The following IRS1 variants were observed in gnomAD, a reference collection of about 807,000 sequenced individuals.
IRS1 encodes insulin receptor substrate 1.
A neutral mutation model predicts 65.6 loss-of-function variants in IRS1; 34 were observed. The observed-to-expected ratio is 0.52, with a 90% CI of 0.39 to 0.69. The LOEUF (loss-of-function observed/expected upper bound fraction) is 0.69, where lower values mean the gene tolerates loss of function less well. Ranked by LOEUF, IRS1 falls within the 30% of genes least tolerant of loss-of-function variation. The probability of loss-of-function intolerance (pLI) is 0.00; values close to 1 mark genes in which losing one functional copy is unlikely to be tolerated. For synonymous variants in IRS1, 699 were observed against 683.5 expected, an observed-to-expected ratio of 1.02 and a Z score of -0.35; for missense variants, 1,641 against 1,720.2, an observed-to-expected ratio of 0.95 and a Z score of 0.81.
rs1938240312 is a variant in IRS1, at chr2:226,732,484, A to ATATATATATG, written c.*3787_*3788insCATATATATA. 6.7e-6 allele frequency: 1 copy of ATATATATATG among 148,716 alleles called. No homozygotes were observed. Among genetic ancestry groups the ATATATATATG allele is most frequent in the African/African-American group, 2.5e-5 (1 of 40,560 alleles). 9.2% of individuals were successfully genotyped at this position (148,716 alleles called of 1,614,324 possible). A position where few individuals can be genotyped will look rare whatever the true frequency, so the allele number is the denominator to read the frequency against. On this transcript the variant is annotated 3_prime_UTR_variant, in exon 2 of 2. Coordinates refer to ENST00000305123, the MANE Select transcript of IRS1 (RefSeq NM_005544.3). ...CCTATACATCTATATATATATATAT[A>ATATATATATG]TATATATACACACACACACATATGT...
chr2:226,778,371 C>A (rs1474355027), intron 1 of IRS1, among the ~76,000 whole-genome samples: 1 of 152,066 alleles, frequency 6.6e-6, no homozygotes, highest in African/African-American at 2.4e-5. Flanking sequence ...CTAGAAAAAG[C>A]AACCTTAAAA....
chr2:226,755,294 A>G (rs1938774272), intron 1 of IRS1, among the ~76,000 whole-genome samples: 1 of 152,252 alleles, frequency 6.6e-6, no homozygotes, highest in South Asian at 2.1e-4. Flanking sequence ...CTCGCCTCCC[A>G]GTGTTTACAT....
At chr2:226,780,228 T>G (rs1939355774) in intron 1 of IRS1, among the ~76,000 whole-genome samples, 1 of 151,992 alleles carries the variant, frequency 6.6e-6, no homozygotes, top group Non-Finnish European at 1.5e-5. Flanking sequence ...CCATCTCTAC[T>G]AAAAATACAA....
chr2:226,795,784 G>C lies in IRS1; in HGVS notation c.2955C>G (p.Ser985Arg), dbSNP rs371239608. 6.2e-7 allele frequency: 1 copy of C among 1,613,176 alleles called. No individual in the cohort carries two copies. The highest frequency in any genetic ancestry group is 8.5e-7 in the Non-Finnish European group (1 of 1,179,970). ...ICRPTRAVPSSRGDYMTMQMS... is the reference protein window; with the variant it reads ...ICRPTRAVPSRRGDYMTMQMS... ...TCTGCATGGTCATGTAGTCACCCCG[G>C]CTGCTGGGCACTGCCCGGGTAGGCC... is the stretch of plus-strand genomic sequence containing the variant. The change falls in exon 1 of 2, where the codon AGC (serine) becomes AGG (arginine). Residue 985 changes from serine (S) to arginine (R), a missense_variant. Ser to Arg is a moderately radical substitution (Grantham distance 110). Around this residue, in one of 3 missense-constraint regions of IRS1, gnomAD observed 1,324 missense variants for 1,361.0 expected, o/e 0.97. Coordinates refer to ENST00000305123, the MANE Select transcript of IRS1 (RefSeq NM_005544.3).
chr2:226,785,621 A>G (rs1400147701), intron 1 of IRS1, among the ~76,000 whole-genome samples: 1 of 152,194 alleles, frequency 6.6e-6, no homozygotes, highest in Non-Finnish European at 1.5e-5. Flanking sequence ...AACAAAAATA[A>G]ACAAATAAAT....
Position 226,797,825 on chromosome 2 carries a change from G to A in IRS1, c.914C>T (p.Thr305Ile). 1 of 1,606,548 alleles carries A rather than the reference G, an allele frequency of 6.2e-7. No homozygotes were observed. The highest frequency in any genetic ancestry group is 8.5e-7 in the Non-Finnish European group (1 of 1,177,608). ...CGGGGAGGTGGCGGTGATGCTCTCA[G>A]TGCGTGATCGGCGGGTCAGCCCCAC... ...SQVGLTRRSR[T>I]ESITATSPAS... The change falls in exon 1 of 2, where the codon ACT (threonine) becomes ATT (isoleucine). Residue 305 changes from threonine (T) to isoleucine (I), a missense_variant. Around this residue, in one of 3 missense-constraint regions of IRS1, gnomAD observed 1,324 missense variants for 1,361.0 expected, o/e 0.97. Transcript: ENST00000305123. The surrounding 1 kb of genome is among the most constrained non-coding windows in gnomAD (Gnocchi z 8.1).
chr2:226,774,179 A>G (rs1437186858), intron 1 of IRS1, among the ~76,000 whole-genome samples: 1 of 152,228 alleles, frequency 6.6e-6, no homozygotes, highest in Non-Finnish European at 1.5e-5. Context: ...TTATAGTAAG[A>G]AAGAATAAAA....
Position 226,757,036 on chromosome 2 carries a change from A to G in IRS1, c.*22-20786T>C, listed in dbSNP as rs756573089. 2.2e-4 allele frequency among the ~76,000 whole-genome samples: 33 copies of G among 152,312 alleles called. No homozygotes were observed. The East Asian group carries it at 3.1e-3, about 14-fold the overall frequency. On this transcript the variant is annotated intron_variant, in intron 1 of 1. Transcript: ENST00000305123. The stretch of plus-strand genomic sequence containing the variant: ...ATGGCTGCTTTCCCTAACAGGCTGT[A>G]TGTAGCCAAAGAGAGGCCTAACTGC...
intron 1 of IRS1, among the ~76,000 whole-genome samples, chr2:226,748,711 G>A (rs1310051728): frequency 6.6e-6 from 1 of 152,068 alleles, no homozygotes; most frequent in African/African-American, 2.4e-5. Flanking sequence ...CATAGTTGCT[G>A]TTTCTGTGTT....
chr2:226,749,422 T>G (rs887821124), intron 1 of IRS1, among the ~76,000 whole-genome samples: 2 of 152,212 alleles, frequency 1.3e-5, no homozygotes, highest in African/African-American at 4.8e-5. Context: ...TCTTCTGGGA[T>G]TCTCTTTGTG....
At chr2:226,788,423 T>C (rs766489084) in intron 1 of IRS1, among the ~76,000 whole-genome samples, 8 of 152,166 alleles carry the variant, frequency 5.3e-5, no homozygotes, top group Non-Finnish European at 1.2e-4. Context: ...TACATCTTTT[T>C]CAAAGCTCTA....
intron 1 of IRS1, among the ~76,000 whole-genome samples, chr2:226,743,927 T>G (rs984652040): frequency 6.6e-6 from 1 of 152,250 alleles, no homozygotes; most frequent in African/African-American, 2.4e-5. Flanking sequence ...TCACTGCCTT[T>G]GCTTTTTTTG....
chr2:226,740,332 T>G (rs1456269022), intron 1 of IRS1, among the ~76,000 whole-genome samples: 1 of 152,212 alleles, frequency 6.6e-6, no homozygotes, highest in East Asian at 1.9e-4. Context: ...CTGTTGCCAG[T>G]AATGAAAAAT....
intron 1 of IRS1, among the ~76,000 whole-genome samples, chr2:226,752,862 CG>C (rs1938711283): frequency 6.6e-6 from 1 of 152,186 alleles, no homozygotes; most frequent in African/African-American, 2.4e-5. Flanking sequence ...CGTGGGACCT[CG>C]GGCACTTGAT....
At chr2:226,768,747 C>T (rs1394412960) in intron 1 of IRS1, among the ~76,000 whole-genome samples, 1 of 152,202 alleles carries the variant, frequency 6.6e-6, no homozygotes, top group Non-Finnish European at 1.5e-5. Context: ...AGCAATTCTC[C>T]TGCCTCAGCC....
chr2:226,737,282 T>C (rs565930317), intron 1 of IRS1, among the ~76,000 whole-genome samples: 3 of 152,224 alleles, frequency 2.0e-5, no homozygotes, highest in African/African-American at 7.2e-5. Context: ...TCATCATTTT[T>C]TATGGCTGCA....
chr2:226,791,072 G>C (rs1281957767), intron 1 of IRS1, among the ~76,000 whole-genome samples: 2 of 152,146 alleles, frequency 1.3e-5, no homozygotes, highest in Non-Finnish European at 2.9e-5. Flanking sequence ...CTCCCTCACA[G>C]CCCAGGAGGA....
chr2:226,770,968 A>G (rs550299218), intron 1 of IRS1, among the ~76,000 whole-genome samples: 67 of 152,250 alleles, frequency 4.4e-4, no homozygotes, highest in African/African-American at 1.6e-3. Context: ...GGGGTAAGCT[A>G]TGATGATGCC....
intron 1 of IRS1, among the ~76,000 whole-genome samples, chr2:226,774,306 GA>G (rs1403943462): frequency 1.3e-5 from 2 of 152,214 alleles, no homozygotes; most frequent in African/African-American, 4.8e-5. Context: ...CTTCAAGGAA[GA>G]GGGCTTAAAA....
Sources: gnomAD v4.1 joint callset for allele counts (sites outside exome capture counted in the v4.1 genomes callset) on GRCh38, gnomAD v4.1.1 for gene constraint, gnomAD v4.1.1 regional missense constraint, Gnocchi (gnomAD v3.1) non-coding constraint, MANE v1.5 for transcripts, NCBI Gene and HGNC (gene_info 2026-07-23, HGNC 2026-07-21) for gene names.